Variants in ABTB2 observed in about 807,000 individuals in gnomAD.
ABTB2 encodes ankyrin repeat and BTB domain containing 2, also known as ankyrin repeat and BTB/POZ domain-containing protein 2.
In ABTB2, 56 loss-of-function variants were observed where a neutral mutation model predicts 104.1. The observed-to-expected ratio is 0.54, with a 90% CI of 0.43 to 0.67. The LOEUF is 0.67. Among genes scored for constraint, ABTB2 ranks in the 30% least tolerant of loss-of-function variants. The pLI is 0.00. For synonymous variants in ABTB2, 606 were observed against 608.2 expected, an observed-to-expected ratio of 1.00 and a Z score of 0.05; for missense variants, 1,279 against 1,407.7, an observed-to-expected ratio of 0.91 and a Z score of 1.46.
chr11:34,239,712 C>T (rs1293598741), intron 1 of ABTB2, among the ~76,000 whole-genome samples: 1 of 152,182 alleles, frequency 6.6e-6, no homozygotes, highest in Non-Finnish European at 1.5e-5. Context: ...ACAGGCCTTT[C>T]TGTGTAGCCC....
chr11:34,331,554 C>A (rs1855130429), intron 1 of ABTB2, among the ~76,000 whole-genome samples: 1 of 152,220 alleles, frequency 6.6e-6, no homozygotes, highest in African/African-American at 2.4e-5. Flanking sequence ...GCCCCAAACA[C>A]CATGACTGGC....
chr11:34,238,961 G>A (rs1853879762), intron 1 of ABTB2, among the ~76,000 whole-genome samples: 1 of 152,138 alleles, frequency 6.6e-6, no homozygotes, highest in Non-Finnish European at 1.5e-5. Context: ...CACCATGTTA[G>A]CCAGGATGGT....
chr11:34,214,704 C>T (rs1853529027), intron 1 of ABTB2, among the ~76,000 whole-genome samples: 1 of 151,626 alleles, frequency 6.6e-6, no homozygotes, highest in Non-Finnish European at 1.5e-5. Flanking sequence ...TGCACCCAGC[C>T]AAAACTATCG....
At chr11:34,338,066 C>T (rs903657019) in intron 1 of ABTB2, among the ~76,000 whole-genome samples, 8 of 151,990 alleles carry the variant, frequency 5.3e-5, no homozygotes, top group South Asian at 4.1e-4. Context: ...TATCTAGAAT[C>T]GCCGCAAGAG....
intron 1 of ABTB2, among the ~76,000 whole-genome samples, chr11:34,259,085 T>C (rs992783070): frequency 3.3e-5 from 5 of 152,260 alleles, no homozygotes; most frequent in African/African-American, 1.2e-4. Flanking sequence ...TTTGCTGCTA[T>C]TGTTAATTCT....
intron 1 of ABTB2, among the ~76,000 whole-genome samples, chr11:34,354,361 C>T (rs1312071957): frequency 1.3e-5 from 2 of 151,996 alleles, no homozygotes; most frequent in African/African-American, 2.4e-5. Context: ...TCACGCCTGT[C>T]GCCTGTAATC....
At chr11:34,348,608 C>T (rs1855361952) in intron 1 of ABTB2, among the ~76,000 whole-genome samples, 1 of 152,218 alleles carries the variant, frequency 6.6e-6, no homozygotes, top group South Asian at 2.1e-4. Context: ...CAAAGAAACC[C>T]TGACTTCCTT....
At position 34,357,728 on chromosome 11, in the gene ABTB2, T is replaced by C. The variant is rs3740796; in HGVS notation, c.-145A>G. ...CGCGGGGCTCGGCGGCCGCATTGCC[T>C]GCCCGGAGGCCGCGGGAAGGTGGCC... is the stretch of plus-strand genomic sequence containing the variant. On this transcript the variant is annotated 5_prime_UTR_variant, in exon 1 of 17. Coordinates refer to ENST00000435224, the MANE Select transcript of ABTB2 (RefSeq NM_145804.3). 77,930 of 927,524 alleles carry C rather than the reference T, an allele frequency of 0.084. 5,787 individuals carry two copies. The highest frequency in any genetic ancestry group is 0.36 in the East Asian group (11,353 of 31,806). The allele number at this position is 927,524 out of a possible 1,614,324, so 57.5% of individuals were successfully genotyped here.
intron 1 of ABTB2, among the ~76,000 whole-genome samples, chr11:34,226,012 T>A (rs1853681401): frequency 6.6e-6 from 1 of 151,796 alleles, no homozygotes; most frequent in African/African-American, 2.4e-5. Context: ...GAGAGCAGCC[T>A]GGGCAACATG....
At chr11:34,294,270 G>T (rs1035679418) in intron 1 of ABTB2, among the ~76,000 whole-genome samples, 1 of 152,194 alleles carries the variant, frequency 6.6e-6, no homozygotes, top group Non-Finnish European at 1.5e-5. Flanking sequence ...CATTGAGGCT[G>T]CAGTGAACAG....
chr11:34,301,313 A>G (rs972143122), intron 1 of ABTB2, among the ~76,000 whole-genome samples: 1 of 152,102 alleles, frequency 6.6e-6, no homozygotes. Context: ...AATGAATTTA[A>G]AAAAAAATTG....
At chr11:34,172,434 G>GTA (rs1565131665) in intron 4 of ABTB2, among the ~76,000 whole-genome samples, 17 of 62,634 alleles carry the variant, frequency 2.7e-4, no homozygotes, top group African/African-American at 5.7e-4. Context: ...GTGTGTGTGT[G>GTA]TATATAGATA....
chr11:34,328,805 T>G (rs1319674096), intron 1 of ABTB2, among the ~76,000 whole-genome samples: 2 of 152,208 alleles, frequency 1.3e-5, no homozygotes, highest in African/African-American at 4.8e-5. Context: ...AATTGGCCAC[T>G]TAGCCATCCA....
At chr11:34,195,213 G>A (rs1405936787) in intron 3 of ABTB2, among the ~76,000 whole-genome samples, 1 of 152,204 alleles carries the variant, frequency 6.6e-6, no homozygotes, top group Non-Finnish European at 1.5e-5. Flanking sequence ...TCACCTTTGT[G>A]TGAATGACCC....
chr11:34,294,287 T>G (rs1854595601), intron 1 of ABTB2, among the ~76,000 whole-genome samples: 1 of 152,126 alleles, frequency 6.6e-6, no homozygotes, highest in South Asian at 2.1e-4. Flanking sequence ...ACAGTGATTG[T>G]GCCACTGCAC....
chr11:34,260,424 C>T (rs947176654), intron 1 of ABTB2, among the ~76,000 whole-genome samples: 1 of 152,178 alleles, frequency 6.6e-6, no homozygotes, highest in Admixed American at 6.5e-5. Flanking sequence ...CAGAAGGTCC[C>T]AACCGCTGAT....
intron 1 of ABTB2, among the ~76,000 whole-genome samples, chr11:34,243,227 T>C (rs933863721): frequency 6.6e-6 from 1 of 152,174 alleles, no homozygotes; most frequent in Non-Finnish European, 1.5e-5. Flanking sequence ...CCATTTCAAA[T>C]CTTGCTTCTG....
At position 34,152,385 on chromosome 11, in the gene ABTB2, C is replaced by T; in HGVS notation, c.*2G>A. 1.3e-6 allele frequency: 2 copies of T among 1,559,198 alleles called. No homozygotes were observed. Among genetic ancestry groups the T allele is most frequent in the Non-Finnish European group, 1.7e-6 (2 of 1,152,616 alleles). On this transcript the variant is annotated 3_prime_UTR_variant, in exon 17 of 17. Coordinates refer to ENST00000435224, the MANE Select transcript of ABTB2 (RefSeq NM_145804.3). ...TGGCCTCGGCAGCCTCCGCCCCCTGCCTCACACCCGGGAGGTGATGTAGAC... is the reference window on the plus strand; with the variant it reads ...TGGCCTCGGCAGCCTCCGCCCCCTGTCTCACACCCGGGAGGTGATGTAGAC...
intron 1 of ABTB2, among the ~76,000 whole-genome samples, chr11:34,275,206 G>C (rs1291123442): frequency 6.6e-6 from 1 of 152,226 alleles, no homozygotes; most frequent in East Asian, 1.9e-4. Flanking sequence ...ATCCATGACA[G>C]CATTCCTTAC....
Sources: allele counts gnomAD v4.1 joint callset (sites outside exome capture counted in the v4.1 genomes callset), GRCh38; gene constraint gnomAD v4.1.1; transcripts MANE v1.5; gene names NCBI Gene and HGNC (gene_info 2026-07-23, HGNC 2026-07-21).